The following TENM1 variants were observed in gnomAD, a reference collection of about 807,000 sequenced individuals.
TENM1 encodes teneurin-1.
In TENM1, 35 loss-of-function variants were observed where a neutral mutation model predicts 174.8. The ratio of observed to expected loss-of-function variants is 0.20; its 90% CI spans 0.15 to 0.27. The LOEUF is 0.27. TENM1 is among the 10% of genes least tolerant of loss of function. The pLI is 1.00. For missense variants in TENM1, 1,633 were observed against 2,130.1 expected, an observed-to-expected ratio of 0.77 and a Z score of 4.59; for synonymous variants, 781 against 798.7, an observed-to-expected ratio of 0.98 and a Z score of 0.37.
chrX:124,592,187 A>T (rs775911149), intron 11 of TENM1, among the ~76,000 whole-genome samples: 36 of 111,443 alleles, frequency 3.2e-4, no homozygotes, highest in Non-Finnish European at 6.4e-4. Context: ...CTTGGATCTC[A>T]TTGAGCTTCT....
At chrX:124,652,735 G>A (rs2148398292) in intron 7 of TENM1, among the ~76,000 whole-genome samples, 1 of 110,475 alleles carries the variant, frequency 9.1e-6, no homozygotes, top group South Asian at 3.8e-4. Flanking sequence ...ACGTTTGTGG[G>A]TGACATATTT....
chrX:124,401,825 G>A (rs1433051450), intron 27 of TENM1, among the ~76,000 whole-genome samples: 2 of 111,888 alleles, frequency 1.8e-5, no homozygotes, highest in Non-Finnish European at 3.8e-5. Context: ...CAGTTAAGCA[G>A]CCTCCTTCCT....
chrX:124,729,794 T>A (rs908888053), intron 4 of TENM1, among the ~76,000 whole-genome samples: 2 of 112,156 alleles, frequency 1.8e-5, no homozygotes, highest in Non-Finnish European at 3.8e-5. Context: ...CAGGTATGTA[T>A]CGTCAAAATG....
At chrX:124,643,759 T>C (rs1466788585) in intron 10 of TENM1, among the ~76,000 whole-genome samples, 1 of 110,424 alleles carries the variant, frequency 9.1e-6, no homozygotes, top group Non-Finnish European at 1.9e-5. Flanking sequence ...TCTACAGATA[T>C]TCTTAGTGAC....
At chrX:124,613,729 T>C (rs1226162563) in intron 11 of TENM1, among the ~76,000 whole-genome samples, 4 of 111,745 alleles carry the variant, frequency 3.6e-5, no homozygotes, top group Non-Finnish European at 7.5e-5. Context: ...TTAAAGATAC[T>C]GAAAACTGTA....
At chrX:125,035,233 T>A in the TENM1 span, among the ~76,000 whole-genome samples, 1 of 111,501 alleles carries the variant, frequency 9.0e-6, no homozygotes, top group Non-Finnish European at 1.9e-5. Context: ...TAATTTTAAA[T>A]GTATTTCCCA....
chrX:124,766,281 CTATTTA>C (rs1441923500), intron 3 of TENM1, among the ~76,000 whole-genome samples: 1 of 111,617 alleles, frequency 9.0e-6, no homozygotes. Flanking sequence ...TTCAACTATT[CTATTTA>C]TAACAATGTT....
At chrX:125,145,106 C>T in the TENM1 span, among the ~76,000 whole-genome samples, 1 of 111,022 alleles carries the variant, frequency 9.0e-6, no homozygotes, top group African/African-American at 3.3e-5. Flanking sequence ...CCAAGTCCTC[C>T]CCCTTCCAAT....
intron 1 of TENM1, among the ~76,000 whole-genome samples, chrX:124,931,580 T>C (rs1383820151): frequency 9.0e-6 from 1 of 111,432 alleles, no homozygotes; most frequent in Non-Finnish European, 1.9e-5. Flanking sequence ...CCTCTGGAGT[T>C]ATTTCCTCGG....
intron 22 of TENM1, among the ~76,000 whole-genome samples, chrX:124,466,125 G>T (rs897018216): frequency 2.7e-5 from 3 of 111,654 alleles, no homozygotes; most frequent in East Asian, 2.8e-4. Flanking sequence ...CTGGATTCCT[G>T]TCGGATAACC....
At chrX:125,202,370 G>A in the TENM1 span, among the ~76,000 whole-genome samples, 1 of 111,673 alleles carries the variant, frequency 9.0e-6, no homozygotes, top group African/African-American at 3.3e-5. Context: ...GAGTGCACTG[G>A]GATGTTTCGT....
chrX:124,693,578 T>C (rs2148476041), intron 5 of TENM1, among the ~76,000 whole-genome samples: 1 of 111,682 alleles, frequency 9.0e-6, no homozygotes, highest in East Asian at 2.8e-4. Flanking sequence ...ACGATGGGTT[T>C]ATCTTTTTCT....
chrX:124,635,718 G>A (rs927695909), intron 11 of TENM1, among the ~76,000 whole-genome samples: 2 of 112,522 alleles, frequency 1.8e-5, no homozygotes, highest in Non-Finnish European at 3.8e-5. Flanking sequence ...ACCAGGACAA[G>A]TCAGATTTTA....
chrX:124,583,947 G>C (rs1377410941), intron 11 of TENM1, among the ~76,000 whole-genome samples: 1 of 107,620 alleles, frequency 9.3e-6, no homozygotes, highest in Admixed American at 1.0e-4. Context: ...GATGGAAGAT[G>C]AAATGAATGA....
chrX:125,114,639 G>A, the TENM1 span, among the ~76,000 whole-genome samples: 7 of 110,947 alleles, frequency 6.3e-5, no homozygotes, highest in Non-Finnish European at 1.3e-4. Context: ...AGAAAATCTA[G>A]AAGAAATGGA....
chrX:125,147,188 T>TATATATATCACATATATGTGTGA, the TENM1 span, among the ~76,000 whole-genome samples: 1 of 107,968 alleles, frequency 9.3e-6, no homozygotes, highest in Non-Finnish European at 1.9e-5. Flanking sequence ...TATATGTGTG[T>TATATATATCACATATATGTGTGA]ATACATATCT....
At chrX:124,525,486 C>T (rs894387607) in intron 16 of TENM1, among the ~76,000 whole-genome samples, 1 of 111,807 alleles carries the variant, frequency 8.9e-6, no homozygotes, top group Non-Finnish European at 1.9e-5. Flanking sequence ...CTCACCCAAA[C>T]CTTGACTCTT....
the TENM1 span, among the ~76,000 whole-genome samples, chrX:125,062,073 T>C: frequency 8.9e-6 from 1 of 112,139 alleles, no homozygotes; most frequent in African/African-American, 3.2e-5. Context: ...TCACTTAATG[T>C]CTCAATGCCT....
At chrX:124,961,328 A>G (rs1399214945) in intron 1 of TENM1, among the ~76,000 whole-genome samples, 1 of 111,784 alleles carries the variant, frequency 8.9e-6, no homozygotes, top group Non-Finnish European at 1.9e-5. Context: ...GTCTAGGAGA[A>G]TATATATAAC....
Sources: gnomAD v4.1 joint callset for allele counts (sites outside exome capture counted in the v4.1 genomes callset) on GRCh38, gnomAD v4.1.1 for gene constraint, MANE v1.5 for transcripts, NCBI Gene and HGNC (gene_info 2026-07-23, HGNC 2026-07-21) for gene names.